Variants in FYB2 observed in about 807,000 individuals in gnomAD.
The protein encoded by FYB2 is FYN binding protein 2.
In FYB2, 103 loss-of-function variants were observed where a neutral mutation model predicts 94.1. That is an observed-to-expected ratio of 1.09 (90% confidence interval 0.93 to 1.29). The LOEUF is 1.29. Among genes scored for constraint, FYB2 ranks in the 50% most tolerant of loss-of-function variants. The probability of loss-of-function intolerance (pLI) is 0.00; values close to 1 mark genes in which losing one functional copy is unlikely to be tolerated. For synonymous variants in FYB2, 293 were observed against 287.9 expected (o/e 1.02, Z -0.18); for missense variants, 896 against 841.5 (o/e 1.06, Z -0.80).
intron 4 of FYB2, among the ~76,000 whole-genome samples, chr1:56,772,983 T>C (rs1388078970): frequency 2.0e-5 from 3 of 152,310 alleles, no homozygotes; most frequent in African/African-American, 7.2e-5. Flanking sequence ...CCTCCAGTTA[T>C]TTATACACTA....
At chr1:56,743,039 G>A (rs1644990108) in intron 11 of FYB2, among the ~76,000 whole-genome samples, 1 of 151,898 alleles carries the variant, frequency 6.6e-6, no homozygotes, top group African/African-American at 2.4e-5. Context: ...GCCAGTTAAT[G>A]TATTCATTAC....
At chr1:56,787,885 C>T (rs1437078148) in intron 3 of FYB2, among the ~76,000 whole-genome samples, 1 of 152,186 alleles carries the variant, frequency 6.6e-6, no homozygotes. Context: ...TTATAAAAAT[C>T]ACACTTATCC....
chr1:56,806,370 T>C (rs1646647538), intron 1 of FYB2, among the ~76,000 whole-genome samples: 1 of 152,118 alleles, frequency 6.6e-6, no homozygotes, highest in African/African-American at 2.4e-5. Context: ...GTTTTTGCCA[T>C]TGAAAGTAAT....
chr1:56,750,669 T>C (rs547639396), intron 9 of FYB2, among the ~76,000 whole-genome samples: 1 of 152,074 alleles, frequency 6.6e-6, no homozygotes, highest in South Asian at 2.1e-4. Flanking sequence ...CAGGAGCTAG[T>C]ATATATATAA....
chr1:56,785,962 C>T (rs1181636506), intron 4 of FYB2, among the ~76,000 whole-genome samples: 2 of 152,224 alleles, frequency 1.3e-5, no homozygotes, highest in African/African-American at 4.8e-5. Flanking sequence ...TCAGCAACTG[C>T]AACACAGTAA....
At chr1:56,813,750 G>T (rs542433492) in intron 1 of FYB2, among the ~76,000 whole-genome samples, 1 of 152,276 alleles carries the variant, frequency 6.6e-6, no homozygotes, top group South Asian at 2.1e-4. Context: ...TCATGGAGCT[G>T]TTCTAAGCTC....
At chr1:56,819,052 G>A (rs570957027) in intron 1 of FYB2, among the ~76,000 whole-genome samples, 1 of 152,274 alleles carries the variant, frequency 6.6e-6, no homozygotes, top group Admixed American at 6.5e-5. Flanking sequence ...AGCACCTCCT[G>A]TCCCCTCACA....
Position 56,777,239 on chromosome 1 carries a change from C to CAAAAAAAAAAAA in FYB2, c.954-9313_954-9302dup, listed in dbSNP as rs1453236717. Among the ~76,000 whole-genome samples the CAAAAAAAAAAAA allele has an allele frequency of 2.9e-3, 14 of 4,800 alleles. 2 individuals carry two copies. The highest frequency in any genetic ancestry group is 5.4e-3 in the African/African-American group (1 of 186). The allele number at this position is 4,800 out of a possible 152,430, so 3.1% of individuals were successfully genotyped here. On this transcript the variant is annotated intron_variant, in intron 4 of 19. Transcript: ENST00000343433. ...ACAGAGCGAGACTCCGTCTCAAAAA[C>CAAAAAAAAAAAA]AAAAAAAAAAAAAAAAAAAAAAAAA... is the stretch of plus-strand genomic sequence containing the variant.
intron 7 of FYB2, 99 bp downstream of exon 7, chr1:56,755,797 T>G (rs1294545831): frequency 3.8e-5 from 46 of 1,200,890 alleles, no homozygotes; most frequent in Non-Finnish European, 5.4e-5. Flanking sequence ...CCAGGCTAGC[T>G]CAGTTTGGAA....
intron 15 of FYB2, among the ~76,000 whole-genome samples, chr1:56,733,819 T>A (rs187992834): frequency 6.6e-6 from 1 of 152,248 alleles, no homozygotes; most frequent in East Asian, 1.9e-4. Flanking sequence ...TGCTGAGGAG[T>A]GCTTTACTTC....
At chr1:56,755,107 G>A (rs1645294179) in intron 7 of FYB2, among the ~76,000 whole-genome samples, 2 of 152,018 alleles carry the variant, frequency 1.3e-5, no homozygotes, top group South Asian at 4.1e-4. Context: ...CAGGGAGAAG[G>A]GCTAGAAACA....
intron 1 of FYB2, among the ~76,000 whole-genome samples, chr1:56,800,696 C>T (rs1646499992): frequency 6.6e-6 from 1 of 152,056 alleles, no homozygotes; most frequent in Non-Finnish European, 1.5e-5. Context: ...GTTACAAAGT[C>T]CCTAAGTGCC....
intron 15 of FYB2, among the ~76,000 whole-genome samples, chr1:56,736,740 T>C (rs746723876): frequency 1.1e-4 from 17 of 152,144 alleles, no homozygotes; most frequent in Admixed American, 4.6e-4. Flanking sequence ...ATTATAGTTA[T>C]TTAGTCCTTG....
At chr1:56,756,467 T>G (rs1645334020) in intron 6 of FYB2, among the ~76,000 whole-genome samples, 1 of 152,130 alleles carries the variant, frequency 6.6e-6, no homozygotes, top group African/African-American at 2.4e-5. Context: ...CATTCATTAT[T>G]TGGAATCTGT....
rs1240146799 is a variant in FYB2, at chr1:56,744,209, T to C, written c.1445A>G (p.Lys482Arg). 1 of 1,612,704 alleles carries C rather than the reference T, an allele frequency of 6.2e-7. No homozygotes were observed. The highest frequency in any genetic ancestry group is 1.3e-5 in the African/African-American group (1 of 74,896). The change falls in exon 10 of 20, where the codon AAG becomes AGG. Residue 482 changes from lysine to arginine, a missense_variant. By Grantham distance (26) the Lys-to-Arg change is conservative. Transcript: ENST00000343433. ...TATCTCCTCCGAGATGGAACTTGTC[T>C]TAGAGACCCCTAGGTCTGGAGTTTC... ...TKETPDLGVS[K>R]TSSISEEIYD... is the part of the protein sequence containing the mutation.
intron 4 of FYB2, among the ~76,000 whole-genome samples, chr1:56,777,579 T>C (rs1187139988): frequency 6.6e-6 from 1 of 152,142 alleles, no homozygotes; most frequent in African/African-American, 2.4e-5. Flanking sequence ...ACTTGAGTCT[T>C]AAGCCGAGTG....
chr1:56,788,808 A>T, intron 3 of FYB2, 165 bp downstream of exon 3: 1 of 950,572 alleles, frequency 1.1e-6, no homozygotes, highest in Non-Finnish European at 1.6e-6. Context: ...ATTCCCACAG[A>T]GACATCGTTT....
chr1:56,780,481 G>A (rs1382919326), intron 4 of FYB2, among the ~76,000 whole-genome samples: 3 of 152,176 alleles, frequency 2.0e-5, no homozygotes, highest in Non-Finnish European at 4.4e-5. Context: ...AGGCAGCCTG[G>A]GGTGATAGTT....
chr1:56,811,056 T>C (rs1430523136), intron 1 of FYB2, among the ~76,000 whole-genome samples: 1 of 152,162 alleles, frequency 6.6e-6, no homozygotes, highest in East Asian at 1.9e-4. Flanking sequence ...AGCGCAGGTA[T>C]GCACCGGGCA....
Sources: allele counts gnomAD v4.1 joint callset (sites outside exome capture counted in the v4.1 genomes callset), GRCh38; gene constraint gnomAD v4.1.1; transcripts MANE v1.5; gene names NCBI Gene and HGNC (gene_info 2026-07-23, HGNC 2026-07-21).